Variants in UGT2B4 observed in about 807,000 individuals in gnomAD.
The protein encoded by UGT2B4 is UDP glucuronosyltransferase family 2 member B4, also known as UDP-glucuronosyltransferase 2B4.
In UGT2B4, 49 loss-of-function variants were observed where a neutral mutation model predicts 49.8. The observed-to-expected ratio is 0.98, with a 90% CI of 0.78 to 1.25. The LOEUF (loss-of-function observed/expected upper bound fraction) is 1.25. Ranked by LOEUF, UGT2B4 falls within the 50% of genes most tolerant of loss-of-function variation. The probability of loss-of-function intolerance (pLI) is 0.00; values close to 1 mark genes in which losing one functional copy is unlikely to be tolerated. For synonymous variants in UGT2B4, 246 were observed against 217.7 expected, an observed-to-expected ratio of 1.13 and a Z score of -1.14; for missense variants, 729 against 627.7, an observed-to-expected ratio of 1.16 and a Z score of -1.73.
intron 1 of UGT2B4, among the ~76,000 whole-genome samples, chr4:69,506,176 A>G (rs1728461847): frequency 6.6e-6 from 1 of 152,260 alleles, no homozygotes; most frequent in South Asian, 2.1e-4. Flanking sequence ...CAGAGAACCA[A>G]GAGCAAAAAA....
At chr4:69,492,166 A>AT (rs1481559850) in intron 2 of UGT2B4, among the ~76,000 whole-genome samples, 1 of 151,912 alleles carries the variant, frequency 6.6e-6, no homozygotes, top group Non-Finnish European at 1.5e-5. Flanking sequence ...TGCGTTGTTC[A>AT]TTTTTTCTGT....
chr4:69,512,552 A>C (rs138792488), intron 1 of UGT2B4, among the ~76,000 whole-genome samples: 2 of 152,198 alleles, frequency 1.3e-5, no homozygotes, highest in African/African-American at 4.8e-5. Context: ...TTGCTTTGTG[A>C]CTTAACGTGT....
intron 1 of UGT2B4, among the ~76,000 whole-genome samples, chr4:69,502,919 C>CA (rs1054544477): frequency 6.6e-6 from 1 of 152,156 alleles, no homozygotes; most frequent in Non-Finnish European, 1.5e-5. Context: ...GGCTTGGGCC[C>CA]ACAGAACAGC....
intron 1 of UGT2B4, among the ~76,000 whole-genome samples, chr4:69,502,732 C>T (rs1041028685): frequency 5.9e-5 from 9 of 152,292 alleles, no homozygotes; most frequent in Non-Finnish European, 1.2e-4. Flanking sequence ...GAAAGCCTCT[C>T]TGCCACAGCT....
Position 69,495,653 on chromosome 4 carries a change from G to T in UGT2B4, c.209C>A (p.Ser70Tyr), listed in dbSNP as rs368752727. Reference sequence around the variant, plus strand: ...AGGATAAACTTCAAATTTAAGAGTAGATGGGCTGTTGGGATCGAAAGAAAT... The same window carrying T: ...AGGATAAACTTCAAATTTAAGAGTATATGGGCTGTTGGGATCGAAAGAAAT... ...ASISFDPNSP[S>Y]TLKFEVYPVS... Residue 70 changes from serine (S) to tyrosine (Y), a missense_variant, in exon 1 of 6, where the codon TCT becomes TAT. Transcript: ENST00000305107. 6.3e-5 allele frequency: 101 copies of T among 1,613,900 alleles called. No individual in the cohort carries two copies. The highest frequency in any genetic ancestry group is 7.9e-5 in the Non-Finnish European group (93 of 1,179,986).
chr4:69,525,671 A>G, intron 1 of UGT2B4: 1 of 1,266,808 alleles, frequency 7.9e-7, no homozygotes. Flanking sequence ...TTCAATGCAC[A>G]ATTTATAGCA....
chr4:69,500,543 G>C (rs1241138320), upstream of UGT2B4, among the ~76,000 whole-genome samples: 1 of 145,644 alleles, frequency 6.9e-6, no homozygotes, highest in Admixed American at 7.0e-5. Flanking sequence ...AAGAAAGAAA[G>C]AAAGACAAGA....
chr4:69,500,828 T>A (rs756027653), upstream of UGT2B4, among the ~76,000 whole-genome samples: 1 of 151,984 alleles, frequency 6.6e-6, no homozygotes, highest in Non-Finnish European at 1.5e-5. Context: ...GGAAGTCCCC[T>A]CATGAACCCA....
At chr4:69,519,760 G>A (rs897545269) in intron 1 of UGT2B4, among the ~76,000 whole-genome samples, 1 of 152,248 alleles carries the variant, frequency 6.6e-6, no homozygotes, top group Admixed American at 6.5e-5. Flanking sequence ...CACAGGTATG[G>A]AACAAAGGAC....
At chr4:69,485,160 G>C in intron 5 of UGT2B4, 48 bp downstream of exon 5, 1 of 1,595,936 alleles carries the variant, frequency 6.3e-7, no homozygotes. Flanking sequence ...CTATTCACAA[G>C]GGAACCTATC....
intron 5 of UGT2B4, 118 bp downstream of exon 5, chr4:69,485,090 T>G (rs1448465428): frequency 7.8e-7 from 1 of 1,287,200 alleles, no homozygotes; most frequent in East Asian, 2.4e-5. Flanking sequence ...TTCAGATTGT[T>G]TAAATCACTT....
At chr4:69,500,566 A>AAGC (rs1560438283), upstream of UGT2B4, among the ~76,000 whole-genome samples, 12 of 136,954 alleles carry the variant, frequency 8.8e-5, no homozygotes, top group African/African-American at 2.9e-4. Context: ...GAAAGCAAGA[A>AAGC]AAGAAAGCAA....
chr4:69,516,941 T>C (rs1229205317), intron 1 of UGT2B4, among the ~76,000 whole-genome samples: 1 of 152,032 alleles, frequency 6.6e-6, no homozygotes, highest in East Asian at 1.9e-4. Context: ...GAGAAACATC[T>C]GTTCATGTCC....
intron 1 of UGT2B4, among the ~76,000 whole-genome samples, chr4:69,519,766 A>C (rs1161543733): frequency 6.6e-6 from 1 of 152,224 alleles, no homozygotes; most frequent in African/African-American, 2.4e-5. Context: ...TATGGAACAA[A>C]GGACAGAACT....
At chr4:69,494,261 A>G (rs1257367717) in intron 1 of UGT2B4, among the ~76,000 whole-genome samples, 2 of 152,170 alleles carry the variant, frequency 1.3e-5, no homozygotes, top group East Asian at 1.9e-4. Flanking sequence ...TTTCCCATTC[A>G]TTAATCTAAT....
intron 1 of UGT2B4, among the ~76,000 whole-genome samples, chr4:69,503,584 C>A (rs1309028644): frequency 2.0e-5 from 3 of 152,166 alleles, no homozygotes; most frequent in African/African-American, 7.2e-5. Flanking sequence ...CCCTGCCAGT[C>A]CCCCACCCTT....
intron 1 of UGT2B4, among the ~76,000 whole-genome samples, chr4:69,507,026 C>G (rs970261455): frequency 7.2e-5 from 11 of 152,242 alleles, no homozygotes; most frequent in African/African-American, 2.6e-4. Flanking sequence ...ATTCAGCATT[C>G]ATTTATGTTA....
intron 1 of UGT2B4, among the ~76,000 whole-genome samples, chr4:69,520,745 A>G (rs914805532): frequency 1.3e-5 from 2 of 152,140 alleles, no homozygotes; most frequent in African/African-American, 2.4e-5. Flanking sequence ...GGGACTGAGG[A>G]TGGCTCAGCA....
intron 1 of UGT2B4, chr4:69,517,784 T>A (rs57149346): frequency 0.018 from 3,026 of 169,682 alleles, 85 homozygotes; most frequent in African/African-American, 0.066. Flanking sequence ...TCCAGAAAGG[T>A]CTTTATGTCC....
Sources: allele counts gnomAD v4.1 joint callset (sites outside exome capture counted in the v4.1 genomes callset), GRCh38; gene constraint gnomAD v4.1.1; transcripts MANE v1.5; gene names NCBI Gene and HGNC (gene_info 2026-07-23, HGNC 2026-07-21).